METAP2: variants seen among roughly 807,000 people sequenced by gnomAD.
METAP2 encodes the protein methionine aminopeptidase 2.
A neutral mutation model predicts 59.4 loss-of-function variants in METAP2; 25 were observed. The ratio of observed to expected loss-of-function variants is 0.42; its 90% CI spans 0.31 to 0.59. The LOEUF (loss-of-function observed/expected upper bound fraction) is 0.59, where lower values mean the gene tolerates loss of function less well. Ranked by LOEUF, METAP2 falls within the 20% of genes least tolerant of loss-of-function variation. METAP2 has a pLI of 0.16. For missense variants in METAP2, 366 were observed against 581.2 expected (o/e 0.63, Z 3.81); for synonymous variants, 214 against 194.1 (o/e 1.10, Z -0.85).
intron 10 of METAP2, 45 bp downstream of exon 10, chr12:95,512,961 T>C: frequency 8.9e-7 from 1 of 1,122,900 alleles, no homozygotes; most frequent in Non-Finnish European, 1.3e-6. Context: ...TTAGCATCTC[T>C]TCTGAGTTAA....
Position 95,512,773 on chromosome 12 carries a change from C to A in METAP2, c.1069-28C>A. On this transcript the variant is annotated intron_variant, in intron 9 of 10. Transcript: ENST00000323666. ...TTCGTTCTGAATTTTTCTTCTTTCT[C>A]TCCCCTTGACCCTTATTTATTTTTC... is the stretch of plus-strand genomic sequence containing the variant. The A allele has an allele frequency of 8.0e-7, 1 of 1,251,980 alleles. No homozygotes were observed. Among genetic ancestry groups the A allele is most frequent in the Non-Finnish European group, 1.2e-6 (1 of 866,050 alleles). The allele number at this position is 1,251,980 out of a possible 1,614,324, so 77.6% of individuals were successfully genotyped here.
chr12:95,513,989 C>A lies in METAP2; in HGVS notation c.*85C>A. ...CCAGAATTAATTTGCCACATGTTGT[C>A]TGTTTTAACAGTGGACCCATGTAAT... On this transcript the variant is annotated 3_prime_UTR_variant, in exon 11 of 11. Coordinates refer to ENST00000323666, the MANE Select transcript of METAP2 (RefSeq NM_006838.4). The A allele has an allele frequency of 1.4e-6, 2 of 1,449,644 alleles. No individual in the cohort carries two copies. The highest frequency in any genetic ancestry group is 1.4e-5 in the South Asian group (1 of 73,934). The allele number at this position is 1,449,644 out of a possible 1,614,324, so 89.8% of individuals were successfully genotyped here. A position where few individuals can be genotyped will look rare whatever the true frequency, so the allele number is the denominator to read the frequency against.
Position 95,514,095 on chromosome 12 carries a change from G to A in METAP2, c.*191G>A, listed in dbSNP as rs201672814. On this transcript the variant is annotated 3_prime_UTR_variant, in exon 11 of 11. Coordinates refer to ENST00000323666, the MANE Select transcript of METAP2 (RefSeq NM_006838.4). ...TAATTAACCAACGAAAAAGCTTTCC[G>A]GACTTTTAAATGCTAACTGTTTTTC... 9 of 601,192 alleles carry A rather than the reference G, an allele frequency of 1.5e-5. No homozygotes were observed. Among genetic ancestry groups the A allele is most frequent in the South Asian group, 3.6e-5 (1 of 27,662 alleles). The allele number at this position is 601,192 out of a possible 1,614,324, so 37.2% of individuals were successfully genotyped here.
At chr12:95,476,000 G>C (rs1293497679) in intron 1 of METAP2, 71 bp from the exon 2 acceptor site, 6 of 858,608 alleles carry the variant, frequency 7.0e-6, no homozygotes, top group Non-Finnish European at 1.1e-5. Flanking sequence ...AGTTTTCCAA[G>C]ATCATTAGAG....
At chr12:95,508,813 A>G (rs887503978) in intron 8 of METAP2, among the ~76,000 whole-genome samples, 2 of 152,144 alleles carry the variant, frequency 1.3e-5, no homozygotes, top group Non-Finnish European at 2.9e-5. Flanking sequence ...TACCTCTTCC[A>G]TTAAGCTAGT....
intron 9 of METAP2, 25 bp from the exon 10 acceptor site, chr12:95,512,776 C>T (rs1008202120): frequency 3.1e-6 from 4 of 1,291,406 alleles, no homozygotes; most frequent in Non-Finnish European, 4.5e-6. Flanking sequence ...TCTTTCTCTC[C>T]CCTTGACCCT....
Position 95,480,595 on chromosome 12 carries a change from A to G in METAP2, c.260-2620A>G, listed in dbSNP as rs1006840203. On this transcript the variant is annotated intron_variant, in intron 2 of 10. Coordinates refer to ENST00000323666, the MANE Select transcript of METAP2 (RefSeq NM_006838.4). ...AGTGCTTTGTCATTGTGGTTTTAATATGCACTTCCCTAATGATATTGAGCA... is the reference window on the plus strand; with the variant it reads ...AGTGCTTTGTCATTGTGGTTTTAATGTGCACTTCCCTAATGATATTGAGCA... Among the ~76,000 whole-genome samples, 4 of 152,100 alleles carry G rather than the reference A, an allele frequency of 2.6e-5. No homozygotes were observed. The South Asian group carries it at 8.3e-4, about 32-fold the overall frequency.
chr12:95,513,417 C>T (rs301028), intron 10 of METAP2, among the ~76,000 whole-genome samples: 12,037 of 152,226 alleles, frequency 0.079, 660 homozygotes, highest in Non-Finnish European at 0.12. Flanking sequence ...CACACGCGCG[C>T]GCACGTAGAC....
In METAP2 at chr12:95,515,224, C is replaced by T. The variant is rs1304818535; in HGVS notation, c.*1320C>T. ...CCTATGACTTGTGTACCTAGATCAT[C>T]TGTTACATTAAAAAGCTGCTCTTTC... On this transcript the variant is annotated 3_prime_UTR_variant, in exon 11 of 11. Transcript: ENST00000323666. 2.6e-5 allele frequency: 4 copies of T among 152,610 alleles called. No individual in the cohort carries two copies. The highest frequency in any genetic ancestry group is 2.1e-4 in the South Asian group (1 of 4,826). The allele number at this position is 152,610 out of a possible 1,614,324, so 9.5% of individuals were successfully genotyped here.
intron 3 of METAP2, among the ~76,000 whole-genome samples, chr12:95,485,246 A>G (rs2076187436): frequency 6.6e-6 from 1 of 152,200 alleles, no homozygotes; most frequent in Admixed American, 6.5e-5. Flanking sequence ...GGTAAAGGCT[A>G]GACTTCAACT....
At chr12:95,510,579 C>T (rs1301584241) in intron 8 of METAP2, among the ~76,000 whole-genome samples, 2 of 152,158 alleles carry the variant, frequency 1.3e-5, no homozygotes, top group Non-Finnish European at 2.9e-5. Flanking sequence ...TTAGGTCCCA[C>T]CTCCCAACAC....
Position 95,477,958 on chromosome 12 carries a change from A to G in METAP2, c.259+1780A>G, listed in dbSNP as rs2076132343. 2.0e-5 allele frequency among the ~76,000 whole-genome samples: 3 copies of G among 152,364 alleles called. No individual in the cohort carries two copies. The South Asian group carries it at 6.2e-4, about 32-fold the overall frequency. On this transcript the variant is annotated intron_variant, in intron 2 of 10. Transcript: ENST00000323666. ...AAATGTTTTGTAAATTCAAGGCAAT[A>G]TAATAGATTGCTATAGACCCACTGT...
intron 8 of METAP2, among the ~76,000 whole-genome samples, chr12:95,509,702 G>C (rs1389164712): frequency 6.6e-6 from 1 of 152,084 alleles, no homozygotes; most frequent in African/African-American, 2.4e-5. Context: ...AGAGTGAATT[G>C]ATTTGTTTTT....
At chr12:95,476,538 GAAAAGCT>G (rs2076120818) in intron 2 of METAP2, among the ~76,000 whole-genome samples, 1 of 151,130 alleles carries the variant, frequency 6.6e-6, no homozygotes, top group African/African-American at 2.4e-5. Context: ...AAGAAAGAAA[GAAAAGCT>G]AGAAAATGTG....
At chr12:95,506,908 G>A (rs769011496) in intron 8 of METAP2, among the ~76,000 whole-genome samples, 37 of 151,790 alleles carry the variant, frequency 2.4e-4, no homozygotes, top group Admixed American at 7.2e-4. Flanking sequence ...TCAGCCTCCC[G>A]AGTAGTTGGG....
intron 4 of METAP2, among the ~76,000 whole-genome samples, chr12:95,487,265 G>A (rs1594417621): frequency 6.6e-6 from 1 of 152,180 alleles, no homozygotes; most frequent in South Asian, 2.1e-4. Context: ...GCAGTCGTTG[G>A]TTAAGAAAGC....
chr12:95,478,634 A>G (rs1451535560), intron 2 of METAP2, among the ~76,000 whole-genome samples: 1 of 151,450 alleles, frequency 6.6e-6, no homozygotes, highest in Admixed American at 6.6e-5. Flanking sequence ...CTCTGTCTCA[A>G]AAAATAAGAA....
rs1021324002 is a variant in METAP2 at position 95,474,163 on chromosome 12, G to C, written c.-17G>C. The C allele has an allele frequency of 6.2e-7, 1 of 1,612,618 alleles. No homozygotes were observed. The highest frequency in any genetic ancestry group is 1.3e-5 in the African/African-American group (1 of 74,860). ...CCTCGCCGCTCTGTCTCATTCCCTC[G>C]CGCTCTCTCGGGCAACATGGCGGGT... On this transcript the variant is annotated 5_prime_UTR_variant, in exon 1 of 11. Transcript: ENST00000323666.
At chr12:95,488,232 G>T (rs906779618) in intron 4 of METAP2, among the ~76,000 whole-genome samples, 11 of 151,916 alleles carry the variant, frequency 7.2e-5, no homozygotes, top group African/African-American at 2.7e-4. Flanking sequence ...AGGCATGGTG[G>T]CTCATGCCTG....
Sources: allele counts gnomAD v4.1 joint callset (sites outside exome capture counted in the v4.1 genomes callset), GRCh38; gene constraint gnomAD v4.1.1; transcripts MANE v1.5; gene names NCBI Gene and HGNC (gene_info 2026-07-23, HGNC 2026-07-21).